The following NEDD4 variants were observed in gnomAD, a reference collection of about 807,000 sequenced individuals.
NEDD4 encodes E3 ubiquitin-protein ligase NEDD4.
Under a neutral mutation model 144.9 loss-of-function variants are expected in NEDD4, and 99 were observed. The observed-to-expected ratio is 0.68, with a 90% CI of 0.58 to 0.81. The LOEUF is 0.81. Ranked by LOEUF, NEDD4 falls within the 30% of genes least tolerant of loss-of-function variation. NEDD4 has a pLI of 0.00. For synonymous variants in NEDD4, 318 were observed against 350.6 expected (o/e 0.91, Z 1.04); for missense variants, 985 against 1,065.9 (o/e 0.92, Z 1.06).
chr15:55,927,311 C>T (rs192138809), intron 4 of NEDD4, among the ~76,000 whole-genome samples: 19 of 151,762 alleles, frequency 1.3e-4, no homozygotes, highest in Admixed American at 1.1e-3. Flanking sequence ...ACAAAGACGA[C>T]AAGATTCTTT....
At chr15:55,892,362 C>A (rs1159871373) in intron 5 of NEDD4, among the ~76,000 whole-genome samples, 1 of 151,294 alleles carries the variant, frequency 6.6e-6, no homozygotes, top group East Asian at 1.9e-4. Context: ...GGCAAATCTA[C>A]TGTAAAAGGC....
At chr15:55,976,888 C>A (rs1324776992) in intron 1 of NEDD4, among the ~76,000 whole-genome samples, 2 of 152,092 alleles carry the variant, frequency 1.3e-5, no homozygotes, top group African/African-American at 2.4e-5. Flanking sequence ...CCGCCTTGGC[C>A]TCCCGAAGTG....
chr15:55,896,868 T>C (rs1239505068), intron 5 of NEDD4, among the ~76,000 whole-genome samples: 1 of 152,100 alleles, frequency 6.6e-6, no homozygotes, highest in Non-Finnish European at 1.5e-5. Context: ...ACATAATTTA[T>C]CTATTTAAGA....
chr15:55,834,423 G>A, intron 24 of NEDD4, 137 bp from the exon 25 acceptor site: 2 of 619,686 alleles, frequency 3.2e-6, no homozygotes, highest in South Asian at 4.0e-5. Flanking sequence ...TCTTCACTGA[G>A]ATCTCAATAT....
intron 2 of NEDD4, among the ~76,000 whole-genome samples, chr15:55,959,071 T>C (rs2037385636): frequency 2.0e-5 from 3 of 151,510 alleles, no homozygotes; most frequent in South Asian, 4.2e-4. Flanking sequence ...TTAGAATTCA[T>C]TCGCTCTTCT....
At chr15:55,830,929 ACTC>A (rs2032919721) in intron 27 of NEDD4, among the ~76,000 whole-genome samples, 1 of 151,874 alleles carries the variant, frequency 6.6e-6, no homozygotes, top group African/African-American at 2.4e-5. Context: ...CTGGTCTTGA[ACTC>A]CTGGCCACAA....
Position 55,976,627 on chromosome 15 carries a change from AT to A in NEDD4, c.46-10082del, listed in dbSNP as rs1229977936. Among the ~76,000 whole-genome samples, 434 of 120,882 alleles carry A rather than the reference AT, an allele frequency of 3.6e-3. 4 individuals carry two copies. Among genetic ancestry groups the A allele is most frequent in the African/African-American group, 8.9e-3 (284 of 32,046 alleles). 79.3% of individuals were successfully genotyped at this position (120,882 alleles called of 152,430 possible). A position where few individuals can be genotyped will look rare whatever the true frequency, so the allele number is the denominator to read the frequency against. On this transcript the variant is annotated intron_variant, in intron 1 of 28. Coordinates refer to ENST00000435532, the MANE Select transcript of NEDD4 (RefSeq NM_006154.4). ...GTACCCTTATCCAATCTGGGCAAAA[AT>A]TTTTTTTTTTTTTTTTTTTGAGACG...
chr15:55,949,500 A>G (rs1356713325), intron 4 of NEDD4, among the ~76,000 whole-genome samples: 1 of 152,236 alleles, frequency 6.6e-6, no homozygotes, highest in Non-Finnish European at 1.5e-5. Flanking sequence ...ACACATGCAT[A>G]CATATGTTTA....
In NEDD4 at chr15:55,834,207, C is replaced by G. The variant is rs761890335; in HGVS notation, c.2322+20G>C. 1 of 1,609,612 alleles carries G rather than the reference C, an allele frequency of 6.2e-7. No individual in the cohort carries two copies. Among genetic ancestry groups the G allele is most frequent in the African/African-American group, 1.3e-5 (1 of 74,794 alleles). ...AATGGGTTCACAATTTCTGTTTCAA[C>G]ATAAAATGTTATGTCTTACCTCTAG... On this transcript the variant is annotated intron_variant, in intron 25 of 28. Transcript: ENST00000435532.
chr15:55,946,139 A>G (rs143815507), intron 4 of NEDD4, among the ~76,000 whole-genome samples: 93 of 152,334 alleles, frequency 6.1e-4, no homozygotes, highest in African/African-American at 2.2e-3. Flanking sequence ...TACAGGATCA[A>G]ATTCACACAT....
chr15:55,868,995 A>G (rs2034681208), intron 8 of NEDD4, among the ~76,000 whole-genome samples: 2 of 152,094 alleles, frequency 1.3e-5, no homozygotes, highest in Non-Finnish European at 2.9e-5. Flanking sequence ...TTCTATTCCA[A>G]ATACATACTT....
chr15:55,909,828 C>T (rs1413874672), intron 5 of NEDD4, among the ~76,000 whole-genome samples: 2 of 152,178 alleles, frequency 1.3e-5, no homozygotes, highest in African/African-American at 2.4e-5. Flanking sequence ...GGGAATAGGC[C>T]TTAAAACCTT....
intron 5 of NEDD4, among the ~76,000 whole-genome samples, chr15:55,909,180 G>A (rs2036192776): frequency 6.6e-6 from 1 of 152,166 alleles, no homozygotes; most frequent in African/African-American, 2.4e-5. Context: ...TTACTTACTT[G>A]TTCAAGGTGT....
intron 28 of NEDD4, 62 bp downstream of exon 28, chr15:55,830,452 G>C (rs879069724): frequency 8.4e-6 from 12 of 1,428,376 alleles, no homozygotes; most frequent in South Asian, 1.1e-5. Context: ...GCTGTGGCTA[G>C]ACTAACAGAG....
chr15:55,859,411 A>G (rs968211460), intron 11 of NEDD4, among the ~76,000 whole-genome samples: 3 of 152,204 alleles, frequency 2.0e-5, no homozygotes, highest in African/African-American at 7.2e-5. Context: ...TTAAAACTTC[A>G]GGCCAGAAGC....
chr15:55,928,091 C>A (rs1043234611), intron 4 of NEDD4, among the ~76,000 whole-genome samples: 6 of 152,140 alleles, frequency 3.9e-5, no homozygotes, highest in Non-Finnish European at 5.9e-5. Flanking sequence ...CTCAGTGCAA[C>A]CTCCGTCTCC....
At chr15:55,833,146 A>C (rs1442119021) in intron 26 of NEDD4, 42 bp from the exon 27 acceptor site, 6 of 1,259,164 alleles carry the variant, frequency 4.8e-6, no homozygotes, top group African/African-American at 1.5e-5. Context: ...AGCACTGGGA[A>C]AGAGGTAAAC....
intron 5 of NEDD4, chr15:55,905,284 G>A (rs1305141186): frequency 8.8e-6 from 4 of 455,712 alleles, no homozygotes; most frequent in Non-Finnish European, 1.8e-5. Context: ...AACCATGGCT[G>A]TAAAACATAA....
chr15:55,973,609 A>C (rs2037650898), intron 1 of NEDD4, among the ~76,000 whole-genome samples: 1 of 150,728 alleles, frequency 6.6e-6, no homozygotes, highest in Admixed American at 6.6e-5. Flanking sequence ...AACACTAGAA[A>C]TCAATAACAA....
Sources: gnomAD v4.1 joint callset for allele counts (sites outside exome capture counted in the v4.1 genomes callset) on GRCh38, gnomAD v4.1.1 for gene constraint, MANE v1.5 for transcripts, NCBI Gene and HGNC (gene_info 2026-07-23, HGNC 2026-07-21) for gene names.